Variants in ADCY9 observed in about 807,000 individuals in gnomAD.
ADCY9 encodes adenylate cyclase 9.
A neutral mutation model predicts 101.5 loss-of-function variants in ADCY9; 50 were observed. The ratio of observed to expected loss-of-function variants is 0.49; its 90% CI spans 0.39 to 0.62. ADCY9 has a LOEUF of 0.62. Ranked by LOEUF, ADCY9 falls within the 20% of genes least tolerant of loss-of-function variation. ADCY9 has a pLI of 0.00. For missense variants in ADCY9, 1,662 were observed against 1,800.4 expected (o/e 0.92, Z 1.39); for synonymous variants, 905 against 769.3 (o/e 1.18, Z -2.92).
intron 2 of ADCY9, among the ~76,000 whole-genome samples, chr16:4,058,157 TA>T (rs56278937): frequency 0.51 from 64,141 of 125,570 alleles, 15,097 homozygotes; most frequent in Middle Eastern, 0.57. Context: ...AGACTCTGTC[TA>T]AAAAAAAAAA....
At chr16:4,102,767 G>A (rs1008688687) in intron 2 of ADCY9, among the ~76,000 whole-genome samples, 41 of 152,086 alleles carry the variant, frequency 2.7e-4, no homozygotes, top group African/African-American at 9.2e-4. Context: ...TGTCGCCCAG[G>A]CTGGAATGCA....
intron 2 of ADCY9, among the ~76,000 whole-genome samples, chr16:4,057,891 G>T (rs547309667): frequency 1.3e-5 from 2 of 152,272 alleles, no homozygotes; most frequent in African/African-American, 4.8e-5. Flanking sequence ...ACTCTAAGAA[G>T]GAGAGTTGAG....
chr16:4,016,165 T>A (rs2056437452), intron 2 of ADCY9, among the ~76,000 whole-genome samples: 1 of 151,720 alleles, frequency 6.6e-6, no homozygotes, highest in Admixed American at 6.6e-5. Flanking sequence ...AAGAAGAGAG[T>A]CATATGCATT....
At chr16:4,110,640 T>C (rs529066433) in intron 2 of ADCY9, among the ~76,000 whole-genome samples, 1 of 152,330 alleles carries the variant, frequency 6.6e-6, no homozygotes, top group Non-Finnish European at 1.5e-5. Flanking sequence ...TCCACCCGCC[T>C]TGGCCTCCCA....
At position 3,966,344 on chromosome 16, in the gene ADCY9, C is replaced by T. The variant is rs144864117; in HGVS notation, c.3493G>A (p.Val1165Ile). 3,037 of 1,614,096 alleles carry T rather than the reference C, an allele frequency of 1.9e-3. 6 individuals are homozygous for T. The highest frequency in any genetic ancestry group is 2.6e-3 in the Middle Eastern group (16 of 6,062). The change falls in exon 11 of 11, where the codon GTC becomes ATC. Residue 1165 changes from valine to isoleucine, a missense_variant. Val to Ile is a conservative substitution (Grantham distance 29). Around this residue, in one of 5 missense-constraint regions of ADCY9, gnomAD observed 220 missense variants for 312.9 expected, o/e 0.70. Coordinates refer to ENST00000294016, the MANE Select transcript of ADCY9 (RefSeq NM_001116.4). Reference protein sequence around the residue: ...NMLWFNFKLRVGFNHGPLTAG... With the variant: ...NMLWFNFKLRIGFNHGPLTAG... ...GTGAGGGGCCCATGGTTGAAGCCGA[C>T]GCGGAGCTTGAAGTTGAACCACAGC...
chr16:4,029,504 T>C (rs1381736452), intron 2 of ADCY9, among the ~76,000 whole-genome samples: 1 of 152,180 alleles, frequency 6.6e-6, no homozygotes, highest in Admixed American at 6.5e-5. Context: ...CTCAGCACTT[T>C]AGGAGGCCAA....
intron 2 of ADCY9, among the ~76,000 whole-genome samples, chr16:4,011,361 TGG>T (rs2056403212): frequency 6.6e-6 from 1 of 151,750 alleles, no homozygotes; most frequent in Non-Finnish European, 1.5e-5. Context: ...GCCTCCATTC[TGG>T]GGCCACGGGC....
rs1228348733 is a variant in ADCY9 at position 3,992,767 on chromosome 16, GCTGT to G, written c.1990-408_1990-405del. 6.6e-6 allele frequency among the ~76,000 whole-genome samples: 1 copy of G among 152,154 alleles called. No individual in the cohort carries two copies. The highest frequency in any genetic ancestry group is 1.5e-5 in the Non-Finnish European group (1 of 68,024). On this transcript the variant is annotated intron_variant, in intron 4 of 10. Transcript: ENST00000294016. This position sits in a 1 kb window ranked among gnomAD's most constrained non-coding sequence, Gnocchi z 4.2. ...GGAGAAGTATGACGAGGGGTCCAGG[GCTGT>G]CAGGGCACAGGCAAGGTGGATGGAA...
At chr16:3,988,005 G>A (rs75757972) in intron 6 of ADCY9, among the ~76,000 whole-genome samples, 1 of 147,784 alleles carries the variant, frequency 6.8e-6, no homozygotes, top group South Asian at 2.1e-4. Context: ...GGCTGGAGGA[G>A]AGAGATGGGT....
intron 2 of ADCY9, among the ~76,000 whole-genome samples, chr16:4,024,713 G>C (rs1235401430): frequency 6.6e-6 from 1 of 152,068 alleles, no homozygotes; most frequent in Non-Finnish European, 1.5e-5. Context: ...TTAAGGTCTA[G>C]GCAGAACCGA....
intron 3 of ADCY9, 99 bp from the exon 4 acceptor site, chr16:3,993,609 T>C: frequency 6.8e-7 from 1 of 1,468,810 alleles, no homozygotes; most frequent in East Asian, 2.3e-5. Context: ...TCACGCAGCA[T>C]GGTGGTGAGC....
Position 3,964,604 on chromosome 16 carries a change from C to T in ADCY9, c.*1171G>A, listed in dbSNP as rs766611603. ...ATGGCACCGGTGCTGCCGGCACAGA[C>T]CCCCGTGGTTCTGAGCTGGACCCCG... On this transcript the variant is annotated 3_prime_UTR_variant, in exon 11 of 11. Transcript: ENST00000294016. The T allele has an allele frequency of 2.0e-5, 3 of 152,558 alleles. No homozygotes were observed. Among genetic ancestry groups the T allele is most frequent in the Non-Finnish European group, 4.4e-5 (3 of 68,346 alleles). 9.5% of individuals were successfully genotyped at this position (152,558 alleles called of 1,614,324 possible). A position where few individuals can be genotyped will look rare whatever the true frequency, so the allele number is the denominator to read the frequency against.
chr16:4,094,954 T>A (rs1392887221), intron 2 of ADCY9, among the ~76,000 whole-genome samples: 1 of 152,088 alleles, frequency 6.6e-6, no homozygotes, highest in East Asian at 1.9e-4. Flanking sequence ...TCAAAACTTT[T>A]TATAAATCTT....
intron 2 of ADCY9, among the ~76,000 whole-genome samples, chr16:4,084,481 T>A (rs2141182642): frequency 6.6e-6 from 1 of 152,104 alleles, no homozygotes; most frequent in East Asian, 1.9e-4. Context: ...ATCTCAACAC[T>A]CTGGGAGGCC....
Position 3,992,194 on chromosome 16 carries a change from A to C in ADCY9, c.2159T>G (p.Ile720Ser). 1 of 1,614,044 alleles carries C rather than the reference A, an allele frequency of 6.2e-7. No individual in the cohort carries two copies. Among genetic ancestry groups the C allele is most frequent in the South Asian group, 1.1e-5 (1 of 91,076 alleles). Residue 720 changes from isoleucine to serine, a missense_variant, in exon 5 of 11, where the codon ATC becomes AGC. This residue lies in a region of ADCY9 where 624 missense variants were observed against 639.1 expected (regional missense o/e 0.98). Transcript: ENST00000294016. This position sits in a 1 kb window ranked among gnomAD's most constrained non-coding sequence, Gnocchi z 4.2. ...SALLPLRFKN[I>S]REKTDAHFVD... Reference sequence around the variant, plus strand: ...AAAGTGGGCGTCCGTTTTCTCCCGGATGTTCTTGAACCTCAGCGGAAGGAG... The same window carrying C: ...AAAGTGGGCGTCCGTTTTCTCCCGGCTGTTCTTGAACCTCAGCGGAAGGAG...
chr16:4,095,700 G>A (rs2056999252), intron 2 of ADCY9, among the ~76,000 whole-genome samples: 1 of 152,122 alleles, frequency 6.6e-6, no homozygotes. Context: ...TCCCAGACCA[G>A]GCACCATGGG....
At chr16:4,100,949 G>A (rs376289068) in intron 2 of ADCY9, among the ~76,000 whole-genome samples, 53 of 152,200 alleles carry the variant, frequency 3.5e-4, no homozygotes, top group African/African-American at 1.3e-3. Context: ...TCGTTGTTTT[G>A]GCTGTTGCTG....
At chr16:3,997,865 G>A (rs371031761) in intron 3 of ADCY9, among the ~76,000 whole-genome samples, 55 of 152,246 alleles carry the variant, frequency 3.6e-4, no homozygotes, top group Admixed American at 2.5e-3. Flanking sequence ...AGGCTGAGGC[G>A]GGTGGATCAC....
chr16:4,077,726 G>A (rs537745498), intron 2 of ADCY9, among the ~76,000 whole-genome samples: 22 of 152,246 alleles, frequency 1.4e-4, no homozygotes, highest in South Asian at 1.2e-3. Context: ...CAGGCCAGGC[G>A]CGGTGACTCA....
Sources: allele counts gnomAD v4.1 joint callset (sites outside exome capture counted in the v4.1 genomes callset), GRCh38; gene constraint gnomAD v4.1.1; regional missense constraint gnomAD v4.1.1; non-coding constraint Gnocchi (gnomAD v3.1); transcripts MANE v1.5; gene names NCBI Gene and HGNC (gene_info 2026-07-23, HGNC 2026-07-21).